Variants in VPS36 observed in about 807,000 individuals in gnomAD.
VPS36 encodes the protein vacuolar protein-sorting-associated protein 36.
Under a neutral mutation model 63.5 loss-of-function variants are expected in VPS36, and 31 were observed. The observed-to-expected ratio is 0.49, with a 90% CI of 0.37 to 0.66. The LOEUF is 0.66. Among genes scored for constraint, VPS36 ranks in the 30% least tolerant of loss-of-function variants. VPS36 has a pLI of 0.00. For missense variants in VPS36, 338 were observed against 463.7 expected, an observed-to-expected ratio of 0.73 and a Z score of 2.49; for synonymous variants, 138 against 157.2, an observed-to-expected ratio of 0.88 and a Z score of 0.91.
chr13:52,424,656 A>G (rs1471454691), intron 9 of VPS36, among the ~76,000 whole-genome samples: 1 of 152,196 alleles, frequency 6.6e-6, no homozygotes, highest in African/African-American at 2.4e-5. Flanking sequence ...ACAAACTGCA[A>G]TGAATCCTGA....
chr13:52,414,322 C>T lies in VPS36; in HGVS notation c.*1508G>A, dbSNP rs540717677. 7.2e-5 allele frequency: 11 copies of T among 152,318 alleles called. No homozygotes were observed. The East Asian group carries it at 2.1e-3, about 29-fold the overall frequency. 9.4% of individuals were successfully genotyped at this position (152,318 alleles called of 1,614,324 possible). A position where few individuals can be genotyped will look rare whatever the true frequency, so the allele number is the denominator to read the frequency against. ...ACTTGGGCAGTCAGACACTGAGTTA[C>T]CCTCAAAATAAACCTGAGGCTGAGC... On this transcript the variant is annotated 3_prime_UTR_variant, in exon 14 of 14. Coordinates refer to ENST00000378060, the MANE Select transcript of VPS36 (RefSeq NM_016075.4).
chr13:52,434,459 G>GGT (rs1278061638), intron 5 of VPS36, among the ~76,000 whole-genome samples: 1 of 152,052 alleles, frequency 6.6e-6, no homozygotes, highest in African/African-American at 2.4e-5. Flanking sequence ...CCTGGGTTCA[G>GGT]GTGACTCTCC....
intron 5 of VPS36, 92 bp downstream of exon 5, chr13:52,434,701 T>C (rs1039160207): frequency 1.6e-6 from 2 of 1,236,132 alleles, no homozygotes; most frequent in Non-Finnish European, 2.3e-6. Context: ...TATTTTGTTT[T>C]GGGCAAGTTC....
intron 9 of VPS36, 78 bp from the exon 10 acceptor site, chr13:52,423,717 C>A: frequency 7.5e-7 from 1 of 1,336,784 alleles, no homozygotes; most frequent in South Asian, 1.3e-5. Flanking sequence ...AAATCATAAT[C>A]ACAGTGAAAT....
intron 2 of VPS36, among the ~76,000 whole-genome samples, chr13:52,441,602 A>G (rs1958277534): frequency 6.6e-6 from 1 of 152,144 alleles, no homozygotes; most frequent in Non-Finnish European, 1.5e-5. Flanking sequence ...AAATGCAAAA[A>G]TTAGCCGGGC....
intron 9 of VPS36, among the ~76,000 whole-genome samples, chr13:52,425,381 T>G (rs538021566): frequency 6.6e-6 from 1 of 152,286 alleles, no homozygotes; most frequent in East Asian, 1.9e-4. Flanking sequence ...TAGAGTTACA[T>G]AATGAAATGT....
At position 52,432,051 on chromosome 13, in the gene VPS36, TA is replaced by T. The variant is rs145078228; in HGVS notation, c.528+1610del. On this transcript the variant is annotated intron_variant, in intron 6 of 13. Coordinates refer to ENST00000378060, the MANE Select transcript of VPS36 (RefSeq NM_016075.4). ...ACTCCATGAATTCATAATGACATGTTAAAAAAAACCTAATTAGTTGGCTGGG... is the reference window on the plus strand; with the variant it reads ...ACTCCATGAATTCATAATGACATGTTAAAAAAACCTAATTAGTTGGCTGGG... 4.3e-3 allele frequency among the ~76,000 whole-genome samples: 658 copies of T among 151,796 alleles called. 22 individuals are homozygous for T. In the East Asian group the frequency reaches 0.091, roughly 21 times the overall value.
chr13:52,419,275 T>G (rs770675601), intron 10 of VPS36, among the ~76,000 whole-genome samples: 1 of 152,220 alleles, frequency 6.6e-6, no homozygotes, highest in Non-Finnish European at 1.5e-5. Context: ...AGCTGAAGAA[T>G]AGCCACTGCT....
At position 52,436,317 on chromosome 13, in the gene VPS36, G is replaced by A; in HGVS notation, c.324C>T (p.Leu108=). 1 of 1,612,600 alleles carries A rather than the reference G, an allele frequency of 6.2e-7. No individual in the cohort carries two copies. The highest frequency in any genetic ancestry group is 8.5e-7 in the Non-Finnish European group (1 of 1,179,530). ...FQSSKNSYIK[L]SFKEHGQIEF... ...CAATCTGGCCATGTTCTTTGAAGGA[G>A]AGTTTGATGTAGGAGTTCTTACTAC... The change falls in exon 4 of 14, where the codon CTC becomes CTT. Residue 108 remains leucine, a synonymous_variant. Coordinates refer to ENST00000378060, the MANE Select transcript of VPS36 (RefSeq NM_016075.4).
chr13:52,449,849 A>T (rs1226943050), intron 1 of VPS36: 2 of 865,342 alleles, frequency 2.3e-6, no homozygotes, highest in Non-Finnish European at 2.8e-6. Flanking sequence ...AAACACGCTC[A>T]GAACGCCTTT....
intron 2 of VPS36, among the ~76,000 whole-genome samples, chr13:52,440,088 C>G (rs1301740380): frequency 1.3e-5 from 2 of 151,896 alleles, no homozygotes; most frequent in African/African-American, 4.8e-5. Context: ...AAGTGATCCT[C>G]CCACCTCAGC....
intron 6 of VPS36, chr13:52,429,421 G>A (rs769317139): frequency 2.1e-5 from 9 of 429,464 alleles, no homozygotes; most frequent in Non-Finnish European, 2.8e-5. Flanking sequence ...CTGCTAGCAA[G>A]CCCTCCGTGA....
At chr13:52,432,976 T>C (rs1958175325) in intron 6 of VPS36, among the ~76,000 whole-genome samples, 1 of 152,208 alleles carries the variant, frequency 6.6e-6, no homozygotes, top group Non-Finnish European at 1.5e-5. Context: ...TGAATTACTA[T>C]AAAAACCAAA....
chr13:52,439,515 G>A (rs376858336), intron 2 of VPS36, among the ~76,000 whole-genome samples: 3 of 151,910 alleles, frequency 2.0e-5, no homozygotes, highest in East Asian at 1.9e-4. Context: ...GCGTGATCTC[G>A]GATCACTGCA....
At chr13:52,418,204 CTA>C in intron 10 of VPS36, 148 bp from the exon 11 acceptor site, 2 of 678,708 alleles carry the variant, frequency 2.9e-6, no homozygotes, top group Non-Finnish European at 4.7e-6. Flanking sequence ...CCAAAGACTT[CTA>C]TTCCTTAAAG....
rs761384772 is a variant in VPS36 at position 52,418,004 on chromosome 13, T to G, written c.893A>C (p.Lys298Thr). Residue 298 changes from lysine (K) to threonine (T), a missense_variant, in exon 11 of 14, where the codon AAA (lysine) becomes ACA (threonine). Physicochemically the swap from Lys to Thr is moderately conservative, Grantham distance 78. Coordinates refer to ENST00000378060, the MANE Select transcript of VPS36 (RefSeq NM_016075.4). Reference sequence around the variant, plus strand: ...GAGGTTCCTTTACCTGAGAGGTAATTTCAGTGCTTCCAGCATCTTGCACGC... The same window carrying G: ...GAGGTTCCTTTACCTGAGAGGTAATGTCAGTGCTTCCAGCATCTTGCACGC... ...VNACKMLEAL[K>T]LPLRLRVFDS... 1.6e-5 allele frequency: 25 copies of G among 1,610,944 alleles called. No individual in the cohort carries two copies. The highest frequency in any genetic ancestry group is 2.1e-5 in the Non-Finnish European group (25 of 1,178,718).
At chr13:52,419,421 G>A (rs1024026643) in intron 10 of VPS36, among the ~76,000 whole-genome samples, 1 of 152,168 alleles carries the variant, frequency 6.6e-6, no homozygotes, top group African/African-American at 2.4e-5. Flanking sequence ...TCACAATACA[G>A]AGAGAAAATA....
intron 1 of VPS36, among the ~76,000 whole-genome samples, chr13:52,446,419 G>A (rs1958344264): frequency 6.6e-6 from 1 of 152,174 alleles, no homozygotes; most frequent in South Asian, 2.1e-4. Flanking sequence ...TTAACAATGT[G>A]CAAATGTAAA....
intron 6 of VPS36, 49 bp downstream of exon 6, chr13:52,433,613 A>C: frequency 7.1e-7 from 1 of 1,414,846 alleles, no homozygotes; most frequent in Non-Finnish European, 9.9e-7. Flanking sequence ...ATCTAAAAGA[A>C]TAGACACAAA....
Sources: allele counts gnomAD v4.1 joint callset (sites outside exome capture counted in the v4.1 genomes callset), GRCh38; gene constraint gnomAD v4.1.1; transcripts MANE v1.5; gene names NCBI Gene and HGNC (gene_info 2026-07-23, HGNC 2026-07-21).